Variants in MPZL2 observed in about 807,000 individuals in gnomAD.
The protein encoded by MPZL2 is myelin protein zero like 2, also known as myelin protein zero-like protein 2.
MPZL2 carries 32 observed loss-of-function variants against 24.5 expected under a neutral mutation model. The observed-to-expected ratio is 1.31, with a 90% CI of 0.99 to 1.76. MPZL2 has a LOEUF of 1.76. MPZL2 is among the 40% of genes most tolerant of loss of function. The pLI is 0.00. For synonymous variants in MPZL2, 92 were observed against 97.9 expected, an observed-to-expected ratio of 0.94 and a Z score of 0.36; for missense variants, 304 against 274.9, an observed-to-expected ratio of 1.11 and a Z score of -0.75.
chr11:118,255,654 CTTTTT>C (rs1162831029), intron 5 of MPZL2, among the ~76,000 whole-genome samples: 2 of 128,598 alleles, frequency 1.6e-5, no homozygotes, highest in Non-Finnish European at 3.3e-5. Context: ...ATTCTGAAGC[CTTTTT>C]TGTTTTATTT....
intron 3 of MPZL2, among the ~76,000 whole-genome samples, chr11:118,261,233 G>T (rs1183938152): frequency 6.6e-6 from 1 of 152,136 alleles, no homozygotes; most frequent in African/African-American, 2.4e-5. Context: ...CCCTCTATTG[G>T]TGGGGCATTG....
chr11:118,260,127 C>G lies in MPZL2; in HGVS notation c.511G>C (p.Val171Leu). ...CGGTAATGCTGGAAGAGGACCACTA[C>G]AATTACTATTATGATCATCAGTGCA... ...ACALMIIIVI[V>L]VVLFQHYRKK... The change falls in exon 4 of 6, where the codon GTA becomes CTA. Residue 171 changes from valine to leucine, a missense_variant. Coordinates refer to ENST00000278937, the MANE Select transcript of MPZL2 (RefSeq NM_005797.4). The G allele has an allele frequency of 6.2e-7, 1 of 1,614,114 alleles. No individual in the cohort carries two copies. The highest frequency in any genetic ancestry group is 8.5e-7 in the Non-Finnish European group (1 of 1,179,976).
chr11:118,263,503 T>C (rs1295216072), intron 1 of MPZL2, among the ~76,000 whole-genome samples: 2 of 152,206 alleles, frequency 1.3e-5, no homozygotes, highest in African/African-American at 2.4e-5. Flanking sequence ...ATGTGTTGTA[T>C]GTAAAGTGGT....
Position 118,260,070 on chromosome 11 carries a change from C to CT in MPZL2, c.567dup (p.Val190SerfsTer34). ...CAGCCTTACGATTTTATCTCCACCACTTTATGAGCTCTTTCGGCCCATCGC... is the reference window on the plus strand; with the variant it reads ...CAGCCTTACGATTTTATCTCCACCACTTTTATGAGCTCTTTCGGCCCATCGC... On this transcript the variant is annotated frameshift_variant, in exon 4 of 6. Transcript: ENST00000278937. LOFTEE classifies it high-confidence loss of function. The CT allele has an allele frequency of 1.2e-6, 2 of 1,614,004 alleles. No individual in the cohort carries two copies. Among genetic ancestry groups the CT allele is most frequent in the Non-Finnish European group, 8.5e-7 (1 of 1,179,892 alleles).
At position 118,263,063 on chromosome 11, in the gene MPZL2, G is replaced by A. The variant is rs751861884; in HGVS notation, c.93C>T (p.Thr31=). 11 of 1,613,904 alleles carry A rather than the reference G, an allele frequency of 6.8e-6. No homozygotes were observed. The highest frequency in any genetic ancestry group is 1.3e-5 in the African/African-American group (1 of 74,880). The part of the protein sequence containing the change: ...LWPIAAVEIY[T]SRVLEAVNGT... ...CATTAACAGCCTCCAGCACCCGGGA[G>A]GTATAAATTTCCACAGCTGCTATAG... Residue 31 remains threonine, a synonymous_variant, in exon 2 of 6, where the codon ACC becomes ACT. Transcript: ENST00000278937.
At chr11:118,259,848 C>G in intron 4 of MPZL2, 1 of 518,670 alleles carries the variant, frequency 1.9e-6, no homozygotes, top group Non-Finnish European at 3.2e-6. Flanking sequence ...GTAAAGAAAT[C>G]CCATAAGGAA....
intron 5 of MPZL2, among the ~76,000 whole-genome samples, chr11:118,255,794 C>T (rs1010297356): frequency 3.9e-5 from 6 of 152,122 alleles, no homozygotes; most frequent in African/African-American, 1.4e-4. Flanking sequence ...TACAAACTAA[C>T]AATAATTCCC....
In MPZL2 at chr11:118,254,928, T is replaced by G. The variant is rs1471483037; in HGVS notation, c.*318A>C. 1 of 152,208 alleles carries G rather than the reference T, an allele frequency of 6.6e-6. No homozygotes were observed. Among genetic ancestry groups the G allele is most frequent in the Non-Finnish European group, 1.5e-5 (1 of 68,044 alleles). 9.4% of individuals were successfully genotyped at this position (152,208 alleles called of 1,614,324 possible). A position where few individuals can be genotyped will look rare whatever the true frequency, so the allele number is the denominator to read the frequency against. On this transcript the variant is annotated 3_prime_UTR_variant, in exon 6 of 6. Coordinates refer to ENST00000278937, the MANE Select transcript of MPZL2 (RefSeq NM_005797.4). ...TTATCCCTTTTGATACCAATATATG[T>G]GTATACAAGTCATAACACTGTAAGT... is the stretch of plus-strand genomic sequence containing the variant.
rs146689036 is a variant in MPZL2 at position 118,262,936 on chromosome 11, G to T, written c.220C>A (p.Gln74Lys). ...NFRPLDGGPE[Q>K]FVFYYHIDPF... ...AATGATGATAATCTACTTACAAACT[G>T]CTCAGGTCCCCCGTCTAGAGGACGA... The change falls in exon 2 of 6, where the codon CAG becomes AAG. Residue 74 changes from glutamine (Q) to lysine (K), a missense_variant. By Grantham distance (53) the Gln-to-Lys change is moderately conservative. Coordinates refer to ENST00000278937, the MANE Select transcript of MPZL2 (RefSeq NM_005797.4). 1.9e-6 allele frequency: 3 copies of T among 1,613,786 alleles called. No individual in the cohort carries two copies. The highest frequency in any genetic ancestry group is 2.5e-6 in the Non-Finnish European group (3 of 1,179,932).
chr11:118,263,083 CT>C lies in MPZL2; in HGVS notation c.72del (p.Ile24MetfsTer22), dbSNP rs752672077. 1,090 of 1,613,844 alleles carry C rather than the reference CT, an allele frequency of 6.8e-4. 1 individual carries two copies. The highest frequency in any genetic ancestry group is 7.7e-4 in the Non-Finnish European group (913 of 1,179,916). Reference sequence around the variant, plus strand: ...CGGGAGGTATAAATTTCCACAGCTGCTATAGGCCAAAGAGCTGCAATGAAAA... The same window carrying C: ...CGGGAGGTATAAATTTCCACAGCTGCATAGGCCAAAGAGCTGCAATGAAAA... ...LGIQLTALWP[I>X]AAVEIYTSRV... On this transcript the variant is annotated frameshift_variant, in exon 2 of 6. Transcript: ENST00000278937. LOFTEE classifies it high-confidence loss of function.
At chr11:118,257,437 T>C (rs969338674) in intron 4 of MPZL2, 124 bp from the exon 5 acceptor site, 3 of 708,520 alleles carry the variant, frequency 4.2e-6, no homozygotes, top group Non-Finnish European at 4.9e-6. Context: ...CACTTGGGAG[T>C]AGATTGAAGT....
In MPZL2 at chr11:118,262,937, C is replaced by T. The variant is rs1347493907; in HGVS notation, c.219G>A (p.Glu73=). 8.1e-6 allele frequency: 13 copies of T among 1,613,810 alleles called. No individual in the cohort carries two copies. Among genetic ancestry groups the T allele is most frequent in the Admixed American group, 3.3e-5 (2 of 59,946 alleles). The change falls in exon 2 of 6, where the codon GAG becomes GAA. Residue 73 remains glutamate (E), a synonymous_variant. Coordinates refer to ENST00000278937, the MANE Select transcript of MPZL2 (RefSeq NM_005797.4). ...ATGATGATAATCTACTTACAAACTG[C>T]TCAGGTCCCCCGTCTAGAGGACGAA... ...WNFRPLDGGP[E]QFVFYYHIDP... is the part of the protein sequence containing the mutation.
rs909167406 is a variant in MPZL2, at chr11:118,253,613, T to A, written c.*1633A>T. On this transcript the variant is annotated 3_prime_UTR_variant, in exon 6 of 6. Transcript: ENST00000278937. Reference sequence around the variant, plus strand: ...AACTGTCCATACATTTTTAACTACTTCTTCATTATTCTTATGGACCATCAT... The same window carrying A: ...AACTGTCCATACATTTTTAACTACTACTTCATTATTCTTATGGACCATCAT... 3 of 152,196 alleles carry A rather than the reference T, an allele frequency of 2.0e-5. No homozygotes were observed. The highest frequency in any genetic ancestry group is 7.2e-5 in the African/African-American group (3 of 41,456). 9.4% of individuals were successfully genotyped at this position (152,196 alleles called of 1,614,324 possible).
chr11:118,263,204 G>A, intron 1 of MPZL2, 107 bp from the exon 2 acceptor site: 7 of 1,191,396 alleles, frequency 5.9e-6, no homozygotes, highest in Non-Finnish European at 7.0e-6. Context: ...AAAGTAAAGT[G>A]AAACTGAGAT....
chr11:118,260,603 C>T (rs1303045685), intron 3 of MPZL2, among the ~76,000 whole-genome samples: 1 of 152,188 alleles, frequency 6.6e-6, no homozygotes, highest in Non-Finnish European at 1.5e-5. Flanking sequence ...CCTCATCAAA[C>T]GTAGTGCCCA....
intron 5 of MPZL2, among the ~76,000 whole-genome samples, chr11:118,255,989 T>C (rs1949657128): frequency 6.6e-6 from 1 of 152,210 alleles, no homozygotes; most frequent in Non-Finnish European, 1.5e-5. Flanking sequence ...TTATTTTCCA[T>C]GACCCCAAGT....
At chr11:118,260,940 C>T (rs1180400401) in intron 3 of MPZL2, among the ~76,000 whole-genome samples, 3 of 152,086 alleles carry the variant, frequency 2.0e-5, no homozygotes, top group African/African-American at 7.2e-5. Flanking sequence ...AATGTCTAGC[C>T]CAGGATTCCC....
chr11:118,264,026 A>C, intron 1 of MPZL2, 70 bp downstream of exon 1: 1 of 1,499,602 alleles, frequency 6.7e-7, no homozygotes, highest in Non-Finnish European at 9.3e-7. Context: ...GCAACTTCTA[A>C]GACAATTAGC....
chr11:118,258,096 A>G (rs1479829223), intron 4 of MPZL2, among the ~76,000 whole-genome samples: 1 of 152,216 alleles, frequency 6.6e-6, no homozygotes, highest in African/African-American at 2.4e-5. Context: ...ATCCACATGC[A>G]AAAGAGTGAA....
Sources: gnomAD v4.1 joint callset for allele counts (sites outside exome capture counted in the v4.1 genomes callset) on GRCh38, gnomAD v4.1.1 for gene constraint, MANE v1.5 for transcripts, NCBI Gene and HGNC (gene_info 2026-07-23, HGNC 2026-07-21) for gene names.